Variants in SEMA3A observed in about 807,000 individuals in gnomAD.
SEMA3A encodes the protein semaphorin 3A.
In SEMA3A, 29 loss-of-function variants were observed where a neutral mutation model predicts 97.9. The observed-to-expected ratio is 0.30, with a 90% CI of 0.22 to 0.40. The LOEUF (loss-of-function observed/expected upper bound fraction) is 0.40. Among genes scored for constraint, SEMA3A ranks in the 10% least tolerant of loss-of-function variants. The pLI is 1.00. For missense variants in SEMA3A, 763 were observed against 951.3 expected, an observed-to-expected ratio of 0.80 and a Z score of 2.60; for synonymous variants, 321 against 323.7, an observed-to-expected ratio of 0.99 and a Z score of 0.09.
At position 84,193,857 on chromosome 7, in the gene SEMA3A, CATA is replaced by C. The variant is rs138220694; in HGVS notation, c.112+615_112+617del. 8.3e-3 allele frequency among the ~76,000 whole-genome samples: 1,267 copies of C among 152,188 alleles called. 15 individuals are homozygous for C. Among genetic ancestry groups the C allele is most frequent in the African/African-American group, 0.029 (1,209 of 41,542 alleles). On this transcript the variant is annotated intron_variant, in intron 1 of 16. Transcript: ENST00000265362. ...CTGAAGTACATATAGAATTAAATAACATAATATTTCAAAGACTTTAGCTTTACA... is the reference window on the plus strand; with the variant it reads ...CTGAAGTACATATAGAATTAAATAACATATTTCAAAGACTTTAGCTTTACA...
chr7:84,241,203 C>A (rs1246870629), intron 3 of SEMA3A, among the ~76,000 whole-genome samples: 1 of 152,204 alleles, frequency 6.6e-6, no homozygotes, highest in Non-Finnish European at 1.5e-5. Context: ...AATGGTTGAA[C>A]TAATTTACAC....
intron 1 of SEMA3A, among the ~76,000 whole-genome samples, chr7:84,475,067 C>T (rs1806246531): frequency 1.3e-5 from 2 of 152,112 alleles, no homozygotes; most frequent in Admixed American, 1.3e-4. Flanking sequence ...AGAGTTCTTG[C>T]TCCCCCTTCT....
intron 6 of SEMA3A, among the ~76,000 whole-genome samples, chr7:84,015,350 G>T (rs1331903838): frequency 6.6e-6 from 1 of 152,166 alleles, no homozygotes; most frequent in African/African-American, 2.4e-5. Flanking sequence ...AAGAAAAATG[G>T]TGAGGGGAGG....
At position 84,440,726 on chromosome 7, in the gene SEMA3A, A is replaced by G. The variant is rs116327141; in HGVS notation, c.-246+51734T>C. Reference sequence around the variant, plus strand: ...AGAGACAGCTTACAACAATCAAAGAAAGAAACAAACAACAAAAAAGGGCAG... The same window carrying G: ...AGAGACAGCTTACAACAATCAAAGAGAGAAACAAACAACAAAAAAGGGCAG... On this transcript the variant is annotated intron_variant, in intron 1 of 3. Transcript: ENST00000424555. Among the ~76,000 whole-genome samples, 173 of 152,312 alleles carry G rather than the reference A, an allele frequency of 1.1e-3. 1 individual carries two copies. Among genetic ancestry groups the G allele is most frequent in the African/African-American group, 4.0e-3 (165 of 41,570 alleles).
intron 1 of SEMA3A, among the ~76,000 whole-genome samples, chr7:84,423,096 A>G (rs1203160949): frequency 6.6e-6 from 1 of 152,196 alleles, no homozygotes. Flanking sequence ...CCAATAGATA[A>G]TAGTTTTACC....
intron 2 of SEMA3A, among the ~76,000 whole-genome samples, chr7:84,323,069 G>A (rs112157049): frequency 3.3e-5 from 5 of 152,134 alleles, no homozygotes; most frequent in Non-Finnish European, 7.4e-5. Flanking sequence ...CTTTGTCAGT[G>A]TATAATGAAG....
intron 3 of SEMA3A, among the ~76,000 whole-genome samples, chr7:84,120,315 A>T (rs1795570092): frequency 6.6e-6 from 1 of 152,178 alleles, no homozygotes; most frequent in Non-Finnish European, 1.5e-5. Context: ...TTTGCCATGT[A>T]TCTTTTACCT....
intron 4 of SEMA3A, among the ~76,000 whole-genome samples, chr7:84,082,547 T>G (rs1794199696): frequency 6.6e-6 from 1 of 152,152 alleles, no homozygotes; most frequent in Non-Finnish European, 1.5e-5. Flanking sequence ...AAATATATTT[T>G]AAGTCATCTT....
Position 84,312,903 on chromosome 7 carries a change from TATATATATATATATATATACACAC to T in SEMA3A, c.-168-5635_-168-5612del, listed in dbSNP as rs1362699526. ...ATATATATATATATATATATATATATATATATATATATATATATACACACACACACACACACACACGTACACACA... is the reference window on the plus strand; with the variant it reads ...ATATATATATATATATATATATATATACACACACACACACACGTACACACA... On this transcript the variant is annotated intron_variant, in intron 2 of 3. Transcript: ENST00000424555. Among the ~76,000 whole-genome samples the T allele has an allele frequency of 2.8e-4, 18 of 63,352 alleles. 2 individuals are homozygous for T. Among genetic ancestry groups the T allele is most frequent in the Non-Finnish European group, 4.7e-4 (13 of 27,628 alleles). 41.6% of individuals were successfully genotyped at this position (63,352 alleles called of 152,430 possible). A position where few individuals can be genotyped will look rare whatever the true frequency, so the allele number is the denominator to read the frequency against.
intron 3 of SEMA3A, among the ~76,000 whole-genome samples, chr7:84,269,514 T>C (rs1455506710): frequency 6.6e-6 from 1 of 151,982 alleles, no homozygotes; most frequent in Non-Finnish European, 1.5e-5. Context: ...TTAAGGATAA[T>C]TAAATTTAAA....
chr7:84,473,229 T>A, intron 1 of SEMA3A, among the ~76,000 whole-genome samples: 1 of 151,576 alleles, frequency 6.6e-6, no homozygotes, highest in South Asian at 2.1e-4. Flanking sequence ...CCTCTGAAGG[T>A]TTTATTATAA....
chr7:84,459,403 C>A (rs764247093), intron 1 of SEMA3A, among the ~76,000 whole-genome samples: 2 of 152,242 alleles, frequency 1.3e-5, no homozygotes, highest in South Asian at 4.1e-4. Flanking sequence ...AAAGTAGTAA[C>A]GATGAGTTGC....
chr7:84,006,159 T>C (rs1428205796), intron 10 of SEMA3A, among the ~76,000 whole-genome samples: 1 of 152,080 alleles, frequency 6.6e-6, no homozygotes, highest in Non-Finnish European at 1.5e-5. Context: ...TTTGACATAA[T>C]GAATGGAATA....
intron 1 of SEMA3A, among the ~76,000 whole-genome samples, chr7:84,427,240 T>C (rs901549758): frequency 6.6e-6 from 1 of 152,052 alleles, no homozygotes; most frequent in African/African-American, 2.4e-5. Context: ...AAGGGAGATA[T>C]CTATGAATTA....
At chr7:84,435,883 A>T (rs184166378) in intron 1 of SEMA3A, among the ~76,000 whole-genome samples, 6 of 152,158 alleles carry the variant, frequency 3.9e-5, no homozygotes, top group Admixed American at 2.0e-4. Flanking sequence ...CCTAAGCAAA[A>T]CAAAACAAAA....
chr7:84,256,694 G>A (rs1799726582), intron 3 of SEMA3A, among the ~76,000 whole-genome samples: 2 of 152,014 alleles, frequency 1.3e-5, no homozygotes, highest in Non-Finnish European at 2.9e-5. Context: ...AGAAACTCTG[G>A]TAACTTTATC....
At chr7:84,198,272 C>G (rs527795934), upstream of SEMA3A, among the ~76,000 whole-genome samples, 8 of 151,516 alleles carry the variant, frequency 5.3e-5, no homozygotes, top group South Asian at 8.3e-4. Context: ...CTCGACTCAC[C>G]GCAACCTCCA....
At chr7:84,175,148 T>C (rs1299414321) in intron 1 of SEMA3A, among the ~76,000 whole-genome samples, 1 of 152,142 alleles carries the variant, frequency 6.6e-6, no homozygotes, top group Non-Finnish European at 1.5e-5. Flanking sequence ...TTCTAGCTTT[T>C]TTCCTACTGC....
intron 1 of SEMA3A, among the ~76,000 whole-genome samples, chr7:84,392,858 T>G (rs554927994): frequency 1.3e-5 from 2 of 152,132 alleles, no homozygotes; most frequent in Non-Finnish European, 2.9e-5. Flanking sequence ...GAAATGTCTA[T>G]GTAGGTCCTT....
Sources: gnomAD v4.1 joint callset for allele counts (sites outside exome capture counted in the v4.1 genomes callset) on GRCh38, gnomAD v4.1.1 for gene constraint, MANE v1.5 for transcripts, NCBI Gene and HGNC (gene_info 2026-07-23, HGNC 2026-07-21) for gene names.